MEI1: variants seen among roughly 807,000 people sequenced by gnomAD.
MEI1 encodes the protein meiosis inhibitor protein 1.
Under a neutral mutation model 146.2 loss-of-function variants are expected in MEI1, and 103 were observed. The ratio of observed to expected loss-of-function variants is 0.70; its 90% CI spans 0.60 to 0.83. The LOEUF is 0.83. Among genes scored for constraint, MEI1 ranks in the 40% least tolerant of loss-of-function variants. MEI1 has a pLI of 0.00. For synonymous variants in MEI1, 652 were observed against 628.2 expected (o/e 1.04, Z -0.57); for missense variants, 1,529 against 1,533.0 (o/e 1.00, Z 0.04).
chr22:41,723,195 A>G (rs2071020200), intron 6 of MEI1, among the ~76,000 whole-genome samples: 1 of 146,196 alleles, frequency 6.8e-6, no homozygotes, highest in Non-Finnish European at 1.5e-5. Context: ...TATCACAATT[A>G]TAAGGGTCAT....
chr22:41,745,815 C>T, intron 13 of MEI1, 70 bp from the exon 14 acceptor site: 1 of 1,469,452 alleles, frequency 6.8e-7, no homozygotes, highest in East Asian at 2.4e-5. Flanking sequence ...CCCGCCACCC[C>T]CCAGGAAGCT....
At chr22:41,784,481 C>A in intron 25 of MEI1, 61 bp downstream of exon 25, 1 of 1,600,574 alleles carries the variant, frequency 6.2e-7, no homozygotes, top group Non-Finnish European at 8.6e-7. Flanking sequence ...CAGATAAGAC[C>A]AGCACCCTGA....
intron 11 of MEI1, among the ~76,000 whole-genome samples, chr22:41,740,151 C>G (rs1334218038): frequency 6.6e-6 from 1 of 152,090 alleles, no homozygotes; most frequent in East Asian, 1.9e-4. Flanking sequence ...TCGCGAGTAG[C>G]TGGGACTACA....
intron 9 of MEI1, 32 bp from the exon 10 acceptor site, chr22:41,732,213 T>A (rs762858917): frequency 6.5e-7 from 1 of 1,543,856 alleles, no homozygotes; most frequent in Non-Finnish European, 8.8e-7. Context: ...AGAGCACTGA[T>A]CCCTGGCCTC....
At chr22:41,720,888 C>T (rs949732288) in intron 6 of MEI1, among the ~76,000 whole-genome samples, 1 of 152,110 alleles carries the variant, frequency 6.6e-6, no homozygotes, top group Non-Finnish European at 1.5e-5. Flanking sequence ...TCTCCTGCCT[C>T]AGCCTCCCGA....
At chr22:41,729,180 A>AAAG (rs1291537091) in intron 7 of MEI1, among the ~76,000 whole-genome samples, 1 of 150,276 alleles carries the variant, frequency 6.7e-6, no homozygotes, top group Non-Finnish European at 1.5e-5. Flanking sequence ...AAAAAAAAAA[A>AAAG]AAAGGTACCA....
intron 11 of MEI1, among the ~76,000 whole-genome samples, chr22:41,738,782 TAAATA>T (rs2072606493): frequency 7.9e-6 from 1 of 125,800 alleles, no homozygotes; most frequent in South Asian, 2.5e-4. Flanking sequence ...AAAAAAAAAA[TAAATA>T]AATAAATAAG....
At chr22:41,741,613 T>C (rs1206788297) in intron 11 of MEI1, among the ~76,000 whole-genome samples, 1 of 152,256 alleles carries the variant, frequency 6.6e-6, no homozygotes, top group African/African-American at 2.4e-5. Flanking sequence ...GCGTATAGTC[T>C]CATAGAATGG....
At chr22:41,767,207 T>A (rs934950548) in intron 19 of MEI1, among the ~76,000 whole-genome samples, 1 of 152,196 alleles carries the variant, frequency 6.6e-6, no homozygotes, top group Non-Finnish European at 1.5e-5. Flanking sequence ...TGTGGTATCT[T>A]TATGAAAAGG....
At chr22:41,711,056 CTCT>C (rs1444007102) in intron 3 of MEI1, among the ~76,000 whole-genome samples, 1 of 152,178 alleles carries the variant, frequency 6.6e-6, no homozygotes, top group African/African-American at 2.4e-5. Flanking sequence ...TACTGAGAAT[CTCT>C]TCTTTAATAG....
chr22:41,780,094 G>A (rs2075676615), intron 22 of MEI1, among the ~76,000 whole-genome samples: 2 of 152,202 alleles, frequency 1.3e-5, no homozygotes, highest in East Asian at 3.8e-4. Flanking sequence ...GTCATCACCA[G>A]CCTGTCTGTG....
intron 18 of MEI1, among the ~76,000 whole-genome samples, chr22:41,760,906 C>CAGGCCTGGTTTTGGGCCT (rs540597051): frequency 5.5e-4 from 84 of 152,304 alleles, no homozygotes; most frequent in African/African-American, 1.8e-3. Context: ...CAGGCAGGCC[C>CAGGCCTGGTTTTGGGCCT]AGGCCTGGTT....
intron 4 of MEI1, among the ~76,000 whole-genome samples, 152 bp from the exon 5 acceptor site, chr22:41,715,889 G>A (rs1024305942): frequency 1.3e-5 from 2 of 152,162 alleles, no homozygotes; most frequent in Non-Finnish European, 2.9e-5. Flanking sequence ...AGTCCAGTGG[G>A]GGAGCTGGAC....
chr22:41,719,027 G>GGCCGGACT (rs1257341210), intron 6 of MEI1, among the ~76,000 whole-genome samples: 10 of 143,332 alleles, frequency 7.0e-5, no homozygotes, highest in Non-Finnish European at 1.4e-4. Flanking sequence ...CTGTTGCCCA[G>GGCCGGACT]GCCGGACTGC....
At chr22:41,794,069 C>T in intron 27 of MEI1, 159 bp downstream of exon 27, 1 of 719,434 alleles carries the variant, frequency 1.4e-6, no homozygotes, top group Non-Finnish European at 2.3e-6. Context: ...GCCCATTATA[C>T]AGATGGGATC....
intron 17 of MEI1, among the ~76,000 whole-genome samples, chr22:41,755,837 G>C (rs1237512175): frequency 6.6e-6 from 1 of 152,100 alleles, no homozygotes; most frequent in Admixed American, 6.6e-5. Context: ...GAGCTGACCT[G>C]GCTCTGCTAC....
intron 17 of MEI1, among the ~76,000 whole-genome samples, chr22:41,755,347 A>T (rs73163304): frequency 0.016 from 2,488 of 152,050 alleles, 48 homozygotes; most frequent in Admixed American, 0.059. Flanking sequence ...GCTCTCTTTT[A>T]TCTTTCCCAG....
rs969519947 is a variant in MEI1, at chr22:41,788,964, A to G, written c.3345+4181A>G. Among the ~76,000 whole-genome samples, 4 of 152,194 alleles carry G rather than the reference A, an allele frequency of 2.6e-5. No homozygotes were observed. In the East Asian group the frequency reaches 7.8e-4, roughly 30 times the overall value. On this transcript the variant is annotated intron_variant, in intron 26 of 30. Transcript: ENST00000401548. ...TGATCCTCCCATCTCAACCTCCTGAATAGCTGGGACTACGGGTATACACCA... is the reference window on the plus strand; with the variant it reads ...TGATCCTCCCATCTCAACCTCCTGAGTAGCTGGGACTACGGGTATACACCA...
chr22:41,776,172 G>C lies in MEI1; in HGVS notation c.2615G>C (p.Arg872Thr). 1 of 1,614,002 alleles carries C rather than the reference G, an allele frequency of 6.2e-7. No homozygotes were observed. The highest frequency in any genetic ancestry group is 1.1e-5 in the South Asian group (1 of 91,084). ...ATTAGCCTGAGGACCTTCCTGAGGAGGAATGAGGATATCCAAGTGGGCGGT... is the reference window on the plus strand; with the variant it reads ...ATTAGCCTGAGGACCTTCCTGAGGACGAATGAGGATATCCAAGTGGGCGGT... Reference protein sequence around the residue: ...VLISLRTFLRRNEDIQVGGLI... With the variant: ...VLISLRTFLRTNEDIQVGGLI... Residue 872 changes from arginine (R) to threonine (T), a missense_variant, in exon 21 of 31, where the codon AGG becomes ACG. By Grantham distance (71) the Arg-to-Thr change is moderately conservative. Coordinates refer to ENST00000401548, the MANE Select transcript of MEI1 (RefSeq NM_152513.4).
Sources: gnomAD v4.1 joint callset for allele counts (sites outside exome capture counted in the v4.1 genomes callset) on GRCh38, gnomAD v4.1.1 for gene constraint, MANE v1.5 for transcripts, NCBI Gene and HGNC (gene_info 2026-07-23, HGNC 2026-07-21) for gene names.